Variants in TCF12 observed in about 807,000 individuals in gnomAD.
The protein encoded by TCF12 is DNA-binding protein HTF4.
A neutral mutation model predicts 86.0 loss-of-function variants in TCF12; 45 were observed. That is an observed-to-expected ratio of 0.52 (90% confidence interval 0.41 to 0.67). TCF12 has a LOEUF of 0.67. Ranked by LOEUF, TCF12 falls within the 30% of genes least tolerant of loss-of-function variation. The probability of loss-of-function intolerance (pLI) is 0.00; values close to 1 mark genes in which losing one functional copy is unlikely to be tolerated. For missense variants in TCF12, 881 were observed against 859.9 expected (o/e 1.02, Z -0.31); for synonymous variants, 330 against 299.6 (o/e 1.10, Z -1.05).
At chr15:57,102,360 G>A in intron 5 of TCF12, among the ~76,000 whole-genome samples, 1 of 152,228 alleles carries the variant, frequency 6.6e-6, no homozygotes. Context: ...CACTTTGGGA[G>A]GCTGTGGCAG....
chr15:57,284,856 C>G (rs1271898322), intron 20 of TCF12, among the ~76,000 whole-genome samples: 1 of 152,218 alleles, frequency 6.6e-6, no homozygotes, highest in Non-Finnish European at 1.5e-5. Flanking sequence ...TCATACTGCT[C>G]TCATAGCTCT....
At chr15:57,009,614 A>G (rs2064698178) in intron 3 of TCF12, among the ~76,000 whole-genome samples, 1 of 152,220 alleles carries the variant, frequency 6.6e-6, no homozygotes, top group Non-Finnish European at 1.5e-5. Flanking sequence ...GGTGTGTTAA[A>G]TTGATGCTCT....
At chr15:57,037,302 G>A (rs946421254) in intron 3 of TCF12, among the ~76,000 whole-genome samples, 3 of 152,076 alleles carry the variant, frequency 2.0e-5, no homozygotes, top group Non-Finnish European at 4.4e-5. Flanking sequence ...TTAGCTGGGT[G>A]TGGTTCCTCA....
At position 57,255,855 on chromosome 15, in the gene TCF12, G is replaced by A. The variant is rs138344324; in HGVS notation, c.1467+2387G>A. ...AATGGTCTTCTGAGACATGAAGTGA[G>A]TCTGGCTTAGTCTGAGCTGCAACAT... On this transcript the variant is annotated intron_variant, in intron 16 of 20. Coordinates refer to ENST00000333725, the MANE Select transcript of TCF12 (RefSeq NM_207037.2). 7.9e-5 allele frequency among the ~76,000 whole-genome samples: 12 copies of A among 152,310 alleles called. No homozygotes were observed. In the South Asian group the frequency reaches 1.7e-3, roughly 21 times the overall value.
chr15:57,111,906 A>C (rs1053642555), intron 5 of TCF12, among the ~76,000 whole-genome samples: 7 of 152,074 alleles, frequency 4.6e-5, no homozygotes, highest in Non-Finnish European at 8.8e-5. Context: ...TTGTTTATAA[A>C]CAGTTTGTAA....
intron 8 of TCF12, among the ~76,000 whole-genome samples, chr15:57,200,810 A>G (rs1340316949): frequency 6.6e-6 from 1 of 152,152 alleles, no homozygotes; most frequent in Non-Finnish European, 1.5e-5. Flanking sequence ...CTGACTAGTA[A>G]CTTTTGTTTG....
intron 7 of TCF12, among the ~76,000 whole-genome samples, chr15:57,195,624 T>C (rs1393165780): frequency 1.3e-5 from 2 of 152,230 alleles, no homozygotes; most frequent in Non-Finnish European, 2.9e-5. Flanking sequence ...TACAGTTTTC[T>C]TCATATGCTA....
At chr15:57,021,669 T>A (rs1233703189) in intron 3 of TCF12, among the ~76,000 whole-genome samples, 1 of 152,162 alleles carries the variant, frequency 6.6e-6, no homozygotes, top group Admixed American at 6.5e-5. Flanking sequence ...ACCTAACAGA[T>A]AGGAGTTCTT....
At chr15:57,166,834 T>C (rs183441087) in intron 6 of TCF12, among the ~76,000 whole-genome samples, 4 of 152,230 alleles carry the variant, frequency 2.6e-5, no homozygotes, top group Admixed American at 2.0e-4. Flanking sequence ...GTCAAACTGA[T>C]CATTAATATT....
intron 4 of TCF12, among the ~76,000 whole-genome samples, chr15:57,064,688 C>T (rs560205947): frequency 4.7e-5 from 7 of 148,788 alleles, no homozygotes; most frequent in South Asian, 2.2e-4. Flanking sequence ...CCCAGCTACT[C>T]GGGAGGCTGA....
chr15:57,136,198 G>A (rs1596736060), intron 5 of TCF12, among the ~76,000 whole-genome samples: 1 of 152,130 alleles, frequency 6.6e-6, no homozygotes, highest in Admixed American at 6.6e-5. Context: ...GCTATCCCTT[G>A]CAGCTTCTAA....
intron 3 of TCF12, among the ~76,000 whole-genome samples, chr15:56,981,173 A>G (rs975708236): frequency 3.9e-5 from 6 of 152,200 alleles, no homozygotes; most frequent in South Asian, 2.1e-4. Context: ...AAAGTTTACT[A>G]TATATCTTGG....
At chr15:57,234,141 A>G in intron 12 of TCF12, 34 bp downstream of exon 12, 1 of 1,505,326 alleles carries the variant, frequency 6.6e-7, no homozygotes, top group South Asian at 1.1e-5. Context: ...TACTGAATGA[A>G]TTTTACACTA....
chr15:57,134,582 AT>A (rs1287446854), intron 5 of TCF12: 1 of 152,120 alleles, frequency 6.6e-6, no homozygotes, highest in Non-Finnish European at 1.5e-5. Context: ...AAATTGCCTT[AT>A]TTTTTTAATG....
chr15:57,254,875 A>AAGT (rs2060278399), intron 16 of TCF12, among the ~76,000 whole-genome samples: 1 of 25,574 alleles, frequency 3.9e-5, no homozygotes, highest in East Asian at 9.5e-4. Context: ...AAAAAAAAAA[A>AAGT]AAGAAAGAAA....
intron 3 of TCF12, among the ~76,000 whole-genome samples, chr15:57,036,518 T>G (rs1187076190): frequency 6.6e-6 from 1 of 152,198 alleles, no homozygotes; most frequent in African/African-American, 2.4e-5. Context: ...GCACTTGTTT[T>G]TATCTCTTTA....
At chr15:57,004,767 T>A (rs527425326) in intron 3 of TCF12, among the ~76,000 whole-genome samples, 2 of 151,998 alleles carry the variant, frequency 1.3e-5, no homozygotes, top group African/African-American at 4.8e-5. Context: ...TGTTCATCCG[T>A]CTGGTCTCGA....
intron 3 of TCF12, 149 bp from the exon 4 acceptor site, chr15:57,063,601 A>G (rs1435790746): frequency 9.7e-6 from 5 of 513,190 alleles, no homozygotes; most frequent in African/African-American, 9.4e-5. Context: ...AGTAACTTAT[A>G]TTTTACAGGT....
Position 57,205,215 on chromosome 15 carries a change from GTTGC to G in TCF12, c.579+7394_579+7397del, listed in dbSNP as rs563258276. The stretch of plus-strand genomic sequence containing the variant: ...ATAGTCCCAGCTACTCTGAGAGAGC[GTTGC>G]TTGAACCCTAGAGGTTGAGATTGCA... On this transcript the variant is annotated intron_variant, in intron 8 of 20. Coordinates refer to ENST00000333725, the MANE Select transcript of TCF12 (RefSeq NM_207037.2). 2.1e-3 allele frequency among the ~76,000 whole-genome samples: 320 copies of G among 151,938 alleles called. 1 individual carries two copies. Among genetic ancestry groups the G allele is most frequent in the African/African-American group, 7.3e-3 (301 of 41,440 alleles).
Sources: allele counts gnomAD v4.1 joint callset (sites outside exome capture counted in the v4.1 genomes callset), GRCh38; gene constraint gnomAD v4.1.1; transcripts MANE v1.5; gene names NCBI Gene and HGNC (gene_info 2026-07-23, HGNC 2026-07-21).